Variants in MUSK observed in about 807,000 individuals in gnomAD.
MUSK encodes muscle associated receptor tyrosine kinase, also known as muscle, skeletal receptor tyrosine-protein kinase.
MUSK carries 55 observed loss-of-function variants against 88.7 expected under a neutral mutation model. That is an observed-to-expected ratio of 0.62 (90% confidence interval 0.50 to 0.78). The LOEUF is 0.78. Among genes scored for constraint, MUSK ranks in the 30% least tolerant of loss-of-function variants. The pLI, the probability that MUSK is intolerant of heterozygous loss-of-function variation, is 0.00. For synonymous variants in MUSK, 387 were observed against 391.9 expected (o/e 0.99, Z 0.15); for missense variants, 1,015 against 1,074.3 (o/e 0.94, Z 0.77).
intron 9 of MUSK, among the ~76,000 whole-genome samples, chr9:110,773,021 A>G (rs1469413884): frequency 3.3e-5 from 5 of 152,074 alleles, no homozygotes; most frequent in Admixed American, 2.0e-4. Context: ...AAGAACCGCA[A>G]TTACTTTTGC....
rs1252199058 is a variant in MUSK at position 110,800,323 on chromosome 9, A to G, written c.1945A>G (p.Lys649Glu). ...VKLLGVCAVG[K>E]PMCLLFEYMA... ...GGTTCCAGGAGTGTGTGCTGTCGGG[A>G]AGCCAATGTGCCTGCTCTTTGAATA... The change falls in exon 15 of 15, where the codon AAG (lysine) becomes GAG (glutamate). Residue 649 changes from lysine to glutamate, a missense_variant. Coordinates refer to ENST00000374448, the MANE Select transcript of MUSK (RefSeq NM_005592.4). The G allele has an allele frequency of 3.1e-6, 5 of 1,608,854 alleles. No homozygotes were observed. The highest frequency in any genetic ancestry group is 3.4e-6 in the Non-Finnish European group (4 of 1,176,240).
At chr9:110,770,228 A>T (rs2077548507) in intron 9 of MUSK, among the ~76,000 whole-genome samples, 1 of 149,380 alleles carries the variant, frequency 6.7e-6, no homozygotes, top group Non-Finnish European at 1.5e-5. Flanking sequence ...TTTTTATTAC[A>T]TGTTGACATT....
At chr9:110,800,188 C>G in intron 14 of MUSK, 118 bp from the exon 15 acceptor site, 5 of 918,742 alleles carry the variant, frequency 5.4e-6, no homozygotes, top group Non-Finnish European at 8.2e-6. Flanking sequence ...AAACATACGA[C>G]AACAACAACA....
intron 5 of MUSK, among the ~76,000 whole-genome samples, chr9:110,721,659 C>G (rs1053147172): frequency 1.3e-5 from 2 of 152,016 alleles, no homozygotes; most frequent in African/African-American, 4.8e-5. Context: ...TGAAAATGAC[C>G]ATACTGCCTA....
At chr9:110,726,022 G>C (rs1303739159) in intron 5 of MUSK, among the ~76,000 whole-genome samples, 2 of 151,850 alleles carry the variant, frequency 1.3e-5, no homozygotes, top group Admixed American at 1.3e-4. Context: ...AGCTTAAATA[G>C]GCCTATAGAC....
rs201499788 is a variant in MUSK, at chr9:110,784,964, A to G, written c.1534A>G (p.Ile512Val). The part of the protein sequence containing the change: ...SSFAIFVLLT[I>V]TTLYCCRRRK... Reference sequence around the variant, plus strand: ...CTTTGCAATATTTGTGCTTCTTACCATAACTACTCTCTATTGCTGCCGAAG... The same window carrying G: ...CTTTGCAATATTTGTGCTTCTTACCGTAACTACTCTCTATTGCTGCCGAAG... Residue 512 changes from isoleucine to valine, a missense_variant, in exon 12 of 15, where the codon ATA becomes GTA. Transcript: ENST00000374448. 6 of 1,613,914 alleles carry G rather than the reference A, an allele frequency of 3.7e-6. No homozygotes were observed. Among genetic ancestry groups the G allele is most frequent in the Middle Eastern group, 1.7e-4 (1 of 6,060 alleles).
intron 7 of MUSK, among the ~76,000 whole-genome samples, chr9:110,753,402 G>A (rs969937804): frequency 3.3e-5 from 5 of 150,240 alleles, no homozygotes; most frequent in Admixed American, 1.3e-4. Context: ...ACTGCACCAC[G>A]GCACTCCAGC....
At position 110,802,229 on chromosome 9, in the gene MUSK, A is replaced by T. The variant is rs2078106828; in HGVS notation, c.*1241A>T. Among the ~76,000 whole-genome samples the T allele has an allele frequency of 6.6e-6, 1 of 152,186 alleles. No homozygotes were observed. Among genetic ancestry groups the T allele is most frequent in the South Asian group, 2.1e-4 (1 of 4,822 alleles). On this transcript the variant is annotated 3_prime_UTR_variant, in exon 15 of 15. Transcript: ENST00000374448. Reference sequence around the variant, plus strand: ...TTTTGTTGTATTTCATGATTTAAAAAAAAAAGCAGCAGCTCTGGAACTCAG... The same window carrying T: ...TTTTGTTGTATTTCATGATTTAAAATAAAAAGCAGCAGCTCTGGAACTCAG...
At chr9:110,700,109 T>C (rs1204400921) in intron 5 of MUSK, among the ~76,000 whole-genome samples, 1 of 152,198 alleles carries the variant, frequency 6.6e-6, no homozygotes, top group Non-Finnish European at 1.5e-5. Flanking sequence ...GTGACATACA[T>C]AATTATTGAT....
At chr9:110,732,340 T>C (rs1413502421) in intron 5 of MUSK, among the ~76,000 whole-genome samples, 2 of 152,042 alleles carry the variant, frequency 1.3e-5, no homozygotes, top group Admixed American at 1.3e-4. Context: ...TCTCCATTAT[T>C]GTAACCAGAA....
chr9:110,726,068 T>A (rs1249412951), intron 5 of MUSK, among the ~76,000 whole-genome samples: 1 of 152,104 alleles, frequency 6.6e-6, no homozygotes, highest in East Asian at 1.9e-4. Flanking sequence ...TAAAGTAACC[T>A]CAATTGTGTG....
chr9:110,800,233 T>G, intron 14 of MUSK, 73 bp from the exon 15 acceptor site: 1,659 of 1,156,526 alleles, frequency 1.4e-3, no homozygotes, highest in East Asian at 2.0e-3. Context: ...ACATGGTCGT[T>G]TGCTTTTGGA....
chr9:110,681,264 G>T (rs1404191277), intron 1 of MUSK, among the ~76,000 whole-genome samples: 3 of 141,264 alleles, frequency 2.1e-5, no homozygotes, highest in African/African-American at 7.9e-5. Context: ...CTGTGTATAA[G>T]ATGTCATTTT....
intron 3 of MUSK, among the ~76,000 whole-genome samples, chr9:110,694,407 C>CAAAAAA (rs1206302969): frequency 1.5e-4 from 16 of 105,314 alleles, no homozygotes; most frequent in African/African-American, 5.6e-4. Flanking sequence ...AAAAAAAAAA[C>CAAAAAA]AAAAAAACAA....
At chr9:110,735,494 AC>A in intron 6 of MUSK, among the ~76,000 whole-genome samples, 1 of 152,246 alleles carries the variant, frequency 6.6e-6, no homozygotes, top group Admixed American at 6.5e-5. Context: ...CTCTTTCATA[AC>A]TAAAAAAATT....
At chr9:110,770,704 A>T (rs1052633083) in intron 9 of MUSK, among the ~76,000 whole-genome samples, 1 of 150,466 alleles carries the variant, frequency 6.6e-6, no homozygotes, top group Non-Finnish European at 1.5e-5. Flanking sequence ...TTTTATGTAG[A>T]TCTTGTATTA....
At chr9:110,752,071 G>A (rs754700679) in intron 7 of MUSK, among the ~76,000 whole-genome samples, 4 of 152,056 alleles carry the variant, frequency 2.6e-5, no homozygotes, top group Non-Finnish European at 5.9e-5. Context: ...TGATTATTAG[G>A]GGACTTGACA....
At chr9:110,694,392 A>AAAAAAAAAAAAAAACAAAAAAAC in intron 3 of MUSK, among the ~76,000 whole-genome samples, 1 of 144,504 alleles carries the variant, frequency 6.9e-6, no homozygotes, top group African/African-American at 2.7e-5. Context: ...TCTCAAAAAA[A>AAAAAAAAAAAAAAACAAAAAAAC]AAAAAAAAAA....
intron 11 of MUSK, among the ~76,000 whole-genome samples, chr9:110,783,873 G>A (rs368046848): frequency 2.5e-4 from 38 of 151,888 alleles, no homozygotes; most frequent in African/African-American, 6.8e-4. Flanking sequence ...ACTATTAAGA[G>A]GCTTGTGTCT....
Sources: gnomAD v4.1 joint callset for allele counts (sites outside exome capture counted in the v4.1 genomes callset) on GRCh38, gnomAD v4.1.1 for gene constraint, MANE v1.5 for transcripts, NCBI Gene and HGNC (gene_info 2026-07-23, HGNC 2026-07-21) for gene names.